The following ADAMTSL3 variants were observed in gnomAD, a reference collection of about 807,000 sequenced individuals.
ADAMTSL3 encodes the protein ADAMTS-like protein 3.
ADAMTSL3 carries 128 observed loss-of-function variants against 201.7 expected under a neutral mutation model. The observed-to-expected ratio is 0.63, with a 90% CI of 0.55 to 0.73. The LOEUF (loss-of-function observed/expected upper bound fraction) is 0.73, where lower values mean the gene tolerates loss of function less well. Ranked by LOEUF, ADAMTSL3 falls within the 30% of genes least tolerant of loss-of-function variation. The pLI is 0.00. For synonymous variants in ADAMTSL3, 738 were observed against 748.4 expected (o/e 0.99, Z 0.23); for missense variants, 1,990 against 2,119.6 (o/e 0.94, Z 1.20).
At chr15:83,845,636 A>T (rs973288477) in intron 7 of ADAMTSL3, among the ~76,000 whole-genome samples, 1 of 151,144 alleles carries the variant, frequency 6.6e-6, no homozygotes, top group Non-Finnish European at 1.5e-5. Flanking sequence ...GTTCATTGTT[A>T]AAAAAAAATA....
At chr15:83,817,024 T>A (rs1273001515) in intron 5 of ADAMTSL3, among the ~76,000 whole-genome samples, 1 of 152,226 alleles carries the variant, frequency 6.6e-6, no homozygotes, top group Non-Finnish European at 1.5e-5. Context: ...TTTAGTCTTC[T>A]TCAGTTTGAC....
At position 83,913,122 on chromosome 15, in the gene ADAMTSL3, T is replaced by C; in HGVS notation, c.1731T>C (p.Ser577=). 3 of 1,614,154 alleles carry C rather than the reference T, an allele frequency of 1.9e-6. No homozygotes were observed. Among genetic ancestry groups the C allele is most frequent in the Non-Finnish European group, 2.5e-6 (3 of 1,180,030 alleles). ...TTCCAGAACCCTGGTCAGCCTGCAG[T>C]ACCACGTGTGGGCCGGGTGTGCAGG... The part of the protein sequence containing the change: ...TFIPEPWSAC[S]TTCGPGVQVR... The change falls in exon 16 of 30, where the codon AGT becomes AGC. Residue 577 remains serine (S), a synonymous_variant. Coordinates refer to ENST00000286744, the MANE Select transcript of ADAMTSL3 (RefSeq NM_207517.3).
intron 7 of ADAMTSL3, among the ~76,000 whole-genome samples, chr15:83,840,502 A>G (rs1013309114): frequency 2.0e-5 from 3 of 152,178 alleles, no homozygotes; most frequent in Non-Finnish European, 4.4e-5. Flanking sequence ...GGATAGCTCT[A>G]CAGGGTTGGT....
At position 84,014,772 on chromosome 15, in the gene ADAMTSL3, A is replaced by G. The variant is rs377110898; in HGVS notation, c.4156+48A>G. 5 of 1,531,966 alleles carry G rather than the reference A, an allele frequency of 3.3e-6. No homozygotes were observed. The African/African-American group carries it at 6.9e-5, about 21-fold the overall frequency. The allele number at this position is 1,531,966 out of a possible 1,614,324, so 94.9% of individuals were successfully genotyped here. On this transcript the variant is annotated intron_variant, in intron 24 of 29. Coordinates refer to ENST00000286744, the MANE Select transcript of ADAMTSL3 (RefSeq NM_207517.3). ...TCCTTAAGTGCCTCCTGTAATATGC[A>G]CAAAGTAGGCCCCAGTTTTGTTGAT...
chr15:83,692,069 C>G (rs995383825), intron 2 of ADAMTSL3, among the ~76,000 whole-genome samples: 17 of 151,928 alleles, frequency 1.1e-4, no homozygotes, highest in African/African-American at 4.1e-4. Context: ...GCACCCAACA[C>G]ACTGCTTGGA....
chr15:83,852,322 C>T (rs1254693747), intron 7 of ADAMTSL3, among the ~76,000 whole-genome samples: 3 of 152,126 alleles, frequency 2.0e-5, no homozygotes, highest in Non-Finnish European at 4.4e-5. Context: ...CCATGTTGGC[C>T]AGGCTGGTCT....
At chr15:83,691,522 C>T (rs1015505331) in intron 2 of ADAMTSL3, among the ~76,000 whole-genome samples, 1 of 152,210 alleles carries the variant, frequency 6.6e-6, no homozygotes, top group African/African-American at 2.4e-5. Flanking sequence ...TCCAGTGTCT[C>T]CAAGTTTGTC....
intron 5 of ADAMTSL3, among the ~76,000 whole-genome samples, chr15:83,811,006 T>C (rs2063686546): frequency 6.6e-6 from 1 of 152,208 alleles, no homozygotes; most frequent in South Asian, 2.1e-4. Flanking sequence ...CCCAAAGTGC[T>C]GGGATTACAG....
rs768647329 is a variant in ADAMTSL3 at position 83,890,267 on chromosome 15, C to A, written c.1211+20C>A. Reference sequence around the variant, plus strand: ...ATCAAGGTTTGTGTCATTGTCCACACCCTTTTTACTTCAAAAAGAAACAAA... The same window carrying A: ...ATCAAGGTTTGTGTCATTGTCCACAACCTTTTTACTTCAAAAAGAAACAAA... On this transcript the variant is annotated intron_variant, in intron 11 of 29. Transcript: ENST00000286744. 6.2e-7 allele frequency: 1 copy of A among 1,610,030 alleles called. No homozygotes were observed. Among genetic ancestry groups the A allele is most frequent in the Admixed American group, 1.7e-5 (1 of 59,290 alleles).
intron 23 of ADAMTSL3, among the ~76,000 whole-genome samples, chr15:84,004,003 G>A (rs1596525280): frequency 6.6e-6 from 1 of 152,180 alleles, no homozygotes. Context: ...AGTACAGTCT[G>A]AGAAAACCAT....
intron 4 of ADAMTSL3, among the ~76,000 whole-genome samples, chr15:83,799,596 A>C (rs186641961): frequency 5.9e-5 from 9 of 152,302 alleles, no homozygotes; most frequent in Non-Finnish European, 1.2e-4. Flanking sequence ...AAATGAATAT[A>C]ATAAATTATA....
chr15:84,008,502 C>G (rs2067939052), intron 23 of ADAMTSL3, among the ~76,000 whole-genome samples: 1 of 152,160 alleles, frequency 6.6e-6, no homozygotes, highest in African/African-American at 2.4e-5. Flanking sequence ...TTGTTTTCTA[C>G]CTACCATAGT....
intron 23 of ADAMTSL3, among the ~76,000 whole-genome samples, chr15:84,002,936 C>CTTTTTTTTTTTTTTTTTTT (rs368176543): frequency 3.4e-4 from 34 of 99,964 alleles, no homozygotes; most frequent in Middle Eastern, 8.1e-3. Flanking sequence ...CTTTTCTTTT[C>CTTTTTTTTTTTTTTTTTTT]TTTTTTTTTT....
intron 5 of ADAMTSL3, among the ~76,000 whole-genome samples, chr15:83,818,780 A>C (rs146882937): frequency 1.3e-3 from 195 of 152,300 alleles, no homozygotes; most frequent in African/African-American, 4.5e-3. Flanking sequence ...AAGACCGATG[A>C]GTCATCAATA....
chr15:83,679,764 C>G (rs1024515873), intron 2 of ADAMTSL3, among the ~76,000 whole-genome samples: 1 of 152,168 alleles, frequency 6.6e-6, no homozygotes, highest in Non-Finnish European at 1.5e-5. Flanking sequence ...CCCCAGCCCC[C>G]ACTCTATTTG....
intron 3 of ADAMTSL3, among the ~76,000 whole-genome samples, chr15:83,705,679 T>A (rs2061840965): frequency 6.6e-6 from 1 of 152,058 alleles, no homozygotes; most frequent in Non-Finnish European, 1.5e-5. Context: ...TGTTGCTCAG[T>A]CCTCTATCTC....
At chr15:83,927,972 AT>A (rs5814171) in intron 17 of ADAMTSL3, among the ~76,000 whole-genome samples, 37,639 of 146,800 alleles carry the variant, frequency 0.26, 5,213 homozygotes, top group Middle Eastern at 0.45. Context: ...TGGCTGTGTG[AT>A]TTTTTTTTTT....
At chr15:83,978,537 A>G (rs1295744344) in intron 20 of ADAMTSL3, among the ~76,000 whole-genome samples, 3 of 152,168 alleles carry the variant, frequency 2.0e-5, no homozygotes, top group African/African-American at 7.2e-5. Context: ...GGGCATCTCC[A>G]GATGAGAGAG....
At chr15:83,829,657 G>A (rs2064110174) in intron 6 of ADAMTSL3, among the ~76,000 whole-genome samples, 3 of 151,994 alleles carry the variant, frequency 2.0e-5, no homozygotes, top group Admixed American at 2.0e-4. Flanking sequence ...TTCTCTTGTG[G>A]GCATTTAGTG....
Sources: allele counts gnomAD v4.1 joint callset (sites outside exome capture counted in the v4.1 genomes callset), GRCh38; gene constraint gnomAD v4.1.1; transcripts MANE v1.5; gene names NCBI Gene and HGNC (gene_info 2026-07-23, HGNC 2026-07-21).